Variants in MAJIN observed in about 807,000 individuals in gnomAD.
MAJIN encodes membrane-anchored junction protein.
A neutral mutation model predicts 30.2 loss-of-function variants in MAJIN; 27 were observed. The observed-to-expected ratio is 0.89, with a 90% CI of 0.66 to 1.23. The LOEUF (loss-of-function observed/expected upper bound fraction) is 1.23. Among genes scored for constraint, MAJIN ranks in the 50% most tolerant of loss-of-function variants. The probability of loss-of-function intolerance (pLI) is 0.00; values close to 1 mark genes in which losing one functional copy is unlikely to be tolerated. For missense variants in MAJIN, 253 were observed against 260.3 expected (o/e 0.97, Z 0.19); for synonymous variants, 78 against 91.6 (o/e 0.85, Z 0.85).
At chr11:64,971,477 A>C (rs1945904545) in intron 1 of MAJIN, among the ~76,000 whole-genome samples, 8 of 141,010 alleles carry the variant, frequency 5.7e-5, no homozygotes, top group South Asian at 2.2e-4. Context: ...GGGGCGGGGA[A>C]GGAGGAGGAG....
At chr11:64,953,943 G>A (rs77828863) in intron 4 of MAJIN, 6,974 of 152,892 alleles carry the variant, frequency 0.046, 184 homozygotes, top group Middle Eastern at 0.065. Context: ...TTAAGGGTAT[G>A]ACTCAGTTTT....
chr11:64,960,426 C>T (rs1328329272), intron 1 of MAJIN, among the ~76,000 whole-genome samples: 1 of 152,150 alleles, frequency 6.6e-6, no homozygotes, highest in Non-Finnish European at 1.5e-5. Context: ...TTTAATCTCA[C>T]TTAATCCTCA....
intron 4 of MAJIN, among the ~76,000 whole-genome samples, chr11:64,952,490 G>A (rs989156922): frequency 2.0e-5 from 3 of 151,896 alleles, no homozygotes; most frequent in African/African-American, 4.8e-5. Context: ...GCCCGGCTGT[G>A]TTTTTATACA....
At chr11:64,965,655 C>A (rs191970262) in intron 1 of MAJIN, among the ~76,000 whole-genome samples, 123 of 152,172 alleles carry the variant, frequency 8.1e-4, no homozygotes, top group African/African-American at 2.8e-3. Flanking sequence ...TTAACCTGTC[C>A]CTTAGAATTC....
At chr11:64,966,397 T>A (rs1248350384) in intron 1 of MAJIN, among the ~76,000 whole-genome samples, 1 of 150,908 alleles carries the variant, frequency 6.6e-6, no homozygotes, top group Admixed American at 6.6e-5. Flanking sequence ...TAGCCAGGCA[T>A]TGTGGTGGAA....
At chr11:64,962,982 C>A (rs1368965231) in intron 1 of MAJIN, among the ~76,000 whole-genome samples, 1 of 152,028 alleles carries the variant, frequency 6.6e-6, no homozygotes, top group African/African-American at 2.4e-5. Flanking sequence ...CAAAAATTGG[C>A]CGGGCGTGGT....
chr11:64,959,360 G>A lies in MAJIN; in HGVS notation c.46C>T (p.Leu16Phe), dbSNP rs548422925. Reference sequence around the variant, plus strand: ...TTATACACATTGGGTCCTGCATGAAGAAACCTCGTCTCTGGAAACGGGTAG... The same window carrying A: ...TTATACACATTGGGTCCTGCATGAAAAAACCTCGTCTCTGGAAACGGGTAG... ...FTYPFPETRF[L>F]HAGPNVYKFK... Residue 16 changes from leucine (L) to phenylalanine (F), a missense_variant, in exon 3 of 11, where the codon CTT (leucine) becomes TTT (phenylalanine). Coordinates refer to ENST00000301896, the MANE Select transcript of MAJIN (RefSeq NM_001037225.3). 1 of 1,614,052 alleles carries A rather than the reference G, an allele frequency of 6.2e-7. No homozygotes were observed. Among genetic ancestry groups the A allele is most frequent in the African/African-American group, 1.3e-5 (1 of 75,020 alleles).
intron 8 of MAJIN, among the ~76,000 whole-genome samples, chr11:64,945,024 CAG>C (rs1945429820): frequency 6.6e-6 from 1 of 152,082 alleles, no homozygotes; most frequent in African/African-American, 2.4e-5. Flanking sequence ...TTTCTCTTAC[CAG>C]TTATCAGTGC....
Position 64,938,454 on chromosome 11 carries a change from T to A in MAJIN, c.*121A>T. On this transcript the variant is annotated 3_prime_UTR_variant, in exon 11 of 11. Coordinates refer to ENST00000301896, the MANE Select transcript of MAJIN (RefSeq NM_001037225.3). The stretch of plus-strand genomic sequence containing the variant: ...GAAGTGTCATAAGAAAAGGATAGAG[T>A]TGGAGGAAGAATGGCTCGGGAGGAG... The A allele has an allele frequency of 1.4e-6, 2 of 1,457,638 alleles. No individual in the cohort carries two copies. Among genetic ancestry groups the A allele is most frequent in the South Asian group, 1.2e-5 (1 of 82,394 alleles). 90.3% of individuals were successfully genotyped at this position (1,457,638 alleles called of 1,614,324 possible). A position where few individuals can be genotyped will look rare whatever the true frequency, so the allele number is the denominator to read the frequency against.
In MAJIN at chr11:64,938,251, T is replaced by C. The variant is rs1352443507; in HGVS notation, c.*324A>G. 1 of 384,720 alleles carries C rather than the reference T, an allele frequency of 2.6e-6. No individual in the cohort carries two copies. Among genetic ancestry groups the C allele is most frequent in the Non-Finnish European group, 4.8e-6 (1 of 206,636 alleles). The allele number at this position is 384,720 out of a possible 1,614,324, so 23.8% of individuals were successfully genotyped here. On this transcript the variant is annotated 3_prime_UTR_variant, in exon 11 of 11. Coordinates refer to ENST00000301896, the MANE Select transcript of MAJIN (RefSeq NM_001037225.3). ...TCAATAACTCTTCATAAATAATTTATTGTCATTAGGATCCTAAGTGCCGAA... is the reference window on the plus strand; with the variant it reads ...TCAATAACTCTTCATAAATAATTTACTGTCATTAGGATCCTAAGTGCCGAA...
chr11:64,939,670 C>T lies in MAJIN; in HGVS notation c.644G>A (p.Gly215Asp), dbSNP rs769885747. ...GACAGAAGCTGTCTTACCTTAGAAA[C>T]CCAAAGAAGCCGGTGGCTGCTCGCT... ...LRSEQPPASLGF is the reference protein window; with the variant it reads ...LRSEQPPASLDF The change falls in exon 10 of 11, where the codon GGT becomes GAT. Residue 215 changes from glycine (G) to aspartate (D), a missense_variant. Coordinates refer to ENST00000301896, the MANE Select transcript of MAJIN (RefSeq NM_001037225.3). 6.2e-7 allele frequency: 1 copy of T among 1,613,856 alleles called. No individual in the cohort carries two copies. The highest frequency in any genetic ancestry group is 8.5e-7 in the Non-Finnish European group (1 of 1,179,848).
chr11:64,940,722 T>A (rs1476115245), intron 8 of MAJIN, 76 bp from the exon 9 acceptor site: 1 of 1,356,978 alleles, frequency 7.4e-7, no homozygotes, highest in Non-Finnish European at 1.1e-6. Flanking sequence ...TATTTGCTGG[T>A]GAACTGATTT....
chr11:64,968,841 A>C (rs1945852713), intron 1 of MAJIN, among the ~76,000 whole-genome samples: 1 of 151,768 alleles, frequency 6.6e-6, no homozygotes, highest in African/African-American at 2.4e-5. Context: ...CAAAAAAAAA[A>C]AAAACAAGAA....
chr11:64,940,750 C>G, intron 8 of MAJIN, 104 bp from the exon 9 acceptor site: 1 of 997,896 alleles, frequency 1.0e-6, no homozygotes, highest in Non-Finnish European at 1.6e-6. Flanking sequence ...GCACTGGGGC[C>G]TGGCTTCTGA....
rs1426634253 is a variant in MAJIN at position 64,938,438 on chromosome 11, TAAGAA to T, written c.*132_*136del. The T allele has an allele frequency of 2.8e-6, 4 of 1,414,378 alleles. No homozygotes were observed. In the African/African-American group the frequency reaches 5.7e-5, roughly 20 times the overall value. 87.6% of individuals were successfully genotyped at this position (1,414,378 alleles called of 1,614,324 possible). A position where few individuals can be genotyped will look rare whatever the true frequency, so the allele number is the denominator to read the frequency against. On this transcript the variant is annotated 3_prime_UTR_variant, in exon 11 of 11. Coordinates refer to ENST00000301896, the MANE Select transcript of MAJIN (RefSeq NM_001037225.3). ...CTCATTCCCCACGACTGAAGTGTCA[TAAGAA>T]AAGGATAGAGTTGGAGGAAGAATGG...
At chr11:64,947,858 CTTTTTT>C (rs35160886) in intron 6 of MAJIN, 39 bp from the exon 7 acceptor site, 11 of 1,216,174 alleles carry the variant, frequency 9.0e-6, no homozygotes, top group East Asian at 2.6e-5. Flanking sequence ...AGATTTAAGA[CTTTTTT>C]TTTTTTTTTT....
intron 5 of MAJIN, 34 bp from the exon 6 acceptor site, chr11:64,949,902 C>T (rs1433249236): frequency 5.0e-6 from 8 of 1,596,522 alleles, no homozygotes; most frequent in Non-Finnish European, 6.8e-6. Flanking sequence ...AGGAAAGATG[C>T]CAGTATGCAT....
At chr11:64,941,001 G>A (rs200014986) in intron 8 of MAJIN, among the ~76,000 whole-genome samples, 1 of 151,642 alleles carries the variant, frequency 6.6e-6, no homozygotes. Flanking sequence ...ACCATGCCCG[G>A]CTAATTTTTT....
At position 64,940,658 on chromosome 11, in the gene MAJIN, A is replaced by C. The variant is rs755971622; in HGVS notation, c.474-12T>G. ...TTTCTTTCCCTATTCTGTTAAAAAG[A>C]AGACCAAGAAAAGCCTTAAACTTTC... On this transcript the variant is annotated splice_polypyrimidine_tract_variant and intron_variant, in intron 8 of 10. Transcript: ENST00000301896. 58 of 1,612,802 alleles carry C rather than the reference A, an allele frequency of 3.6e-5. 1 individual carries two copies. The highest frequency in any genetic ancestry group is 4.4e-5 in the Non-Finnish European group (52 of 1,179,042).
Sources: allele counts gnomAD v4.1 joint callset (sites outside exome capture counted in the v4.1 genomes callset), GRCh38; gene constraint gnomAD v4.1.1; transcripts MANE v1.5; gene names NCBI Gene and HGNC (gene_info 2026-07-23, HGNC 2026-07-21).